Variants in AVL9 observed in about 807,000 individuals in gnomAD.
AVL9 encodes AVL9 cell migration associated.
Under a neutral mutation model 79.2 loss-of-function variants are expected in AVL9, and 49 were observed. The observed-to-expected ratio is 0.62, with a 90% CI of 0.49 to 0.79. AVL9 has a LOEUF of 0.79. AVL9 is among the 30% of genes least tolerant of loss of function. AVL9 has a pLI of 0.00. For synonymous variants in AVL9, 299 were observed against 280.6 expected (o/e 1.07, Z -0.65); for missense variants, 682 against 776.8 (o/e 0.88, Z 1.45).
chr7:32,554,725 T>C (rs534523475), intron 8 of AVL9, 129 bp downstream of exon 8: 36 of 530,510 alleles, frequency 6.8e-5, no homozygotes, highest in African/African-American at 6.1e-4. Flanking sequence ...TGTGGTAAGC[T>C]GAAGCACATT....
At chr7:32,562,950 A>G (rs1294944157) in intron 10 of AVL9, among the ~76,000 whole-genome samples, 1 of 152,182 alleles carries the variant, frequency 6.6e-6, no homozygotes, top group Non-Finnish European at 1.5e-5. Flanking sequence ...AAATAAAGTT[A>G]CACTGATGCT....
intron 10 of AVL9, among the ~76,000 whole-genome samples, chr7:32,568,624 AT>A (rs1790690795): frequency 6.6e-6 from 1 of 152,126 alleles, no homozygotes; most frequent in Admixed American, 6.5e-5. Context: ...TATTGCATTT[AT>A]TTTCATAAAT....
intron 1 of AVL9, among the ~76,000 whole-genome samples, chr7:32,508,276 A>C (rs147328331): frequency 6.6e-6 from 1 of 152,266 alleles, no homozygotes; most frequent in East Asian, 1.9e-4. Context: ...CATTTAAGAC[A>C]TTTTTACTAA....
chr7:32,526,544 CACTT>C (rs1009862997), intron 1 of AVL9, among the ~76,000 whole-genome samples: 9 of 152,144 alleles, frequency 5.9e-5, no homozygotes, highest in East Asian at 1.9e-4. Context: ...CTAAAAAAAA[CACTT>C]ACCCTTTTGT....
chr7:32,500,109 C>T lies in AVL9; in HGVS notation c.93+4307C>T, dbSNP rs566233432. ...ATGTATAATCCTTCGGGTATATACC[C>T]AGTAGTGGGGTTGCTGGGTCAAATG... is the stretch of plus-strand genomic sequence containing the variant. On this transcript the variant is annotated intron_variant, in intron 1 of 15. Coordinates refer to ENST00000318709, the MANE Select transcript of AVL9 (RefSeq NM_015060.3). Among the ~76,000 whole-genome samples the T allele has an allele frequency of 3.3e-4, 50 of 152,142 alleles. 1 individual carries two copies. In the South Asian group the frequency reaches 5.6e-3, roughly 17 times the overall value.
intron 10 of AVL9, among the ~76,000 whole-genome samples, chr7:32,568,594 T>C (rs1790689175): frequency 6.6e-6 from 1 of 152,058 alleles, no homozygotes; most frequent in African/African-American, 2.4e-5. Flanking sequence ...TCATGAAGAG[T>C]TTGGATTCGA....
At chr7:32,563,337 C>T (rs540410124) in intron 10 of AVL9, among the ~76,000 whole-genome samples, 12 of 152,014 alleles carry the variant, frequency 7.9e-5, no homozygotes, top group African/African-American at 1.4e-4. Context: ...CAGCCTCTCC[C>T]GTATACTTTA....
chr7:32,579,383 A>ATT (rs1791264922), intron 13 of AVL9, among the ~76,000 whole-genome samples: 1 of 16,236 alleles, frequency 6.2e-5, no homozygotes, highest in Non-Finnish European at 9.5e-5. Flanking sequence ...TATGTTATAT[A>ATT]ACATATTATA....
intron 11 of AVL9, among the ~76,000 whole-genome samples, chr7:32,571,475 C>T (rs1160940682): frequency 2.0e-5 from 3 of 151,744 alleles, no homozygotes; most frequent in African/African-American, 7.3e-5. Context: ...TTGCAGGGAG[C>T]CGAGATCGTG....
Position 32,495,627 on chromosome 7 carries a change from C to T in AVL9, c.-83C>T. The T allele has an allele frequency of 2.1e-6, 2 of 958,340 alleles. No homozygotes were observed. The highest frequency in any genetic ancestry group is 1.4e-6 in the Non-Finnish European group (1 of 723,548). The allele number at this position is 958,340 out of a possible 1,614,324, so 59.4% of individuals were successfully genotyped here. On this transcript the variant is annotated 5_prime_UTR_variant, in exon 1 of 16. Transcript: ENST00000318709. ...GCTGTGCTCGCTGACACCCGAAGTC[C>T]GCGGCTTTCCGCACACGGTGGGGTC... is the stretch of plus-strand genomic sequence containing the variant.
At chr7:32,530,124 G>T (rs1325214378) in intron 1 of AVL9, among the ~76,000 whole-genome samples, 1 of 152,084 alleles carries the variant, frequency 6.6e-6, no homozygotes, top group East Asian at 1.9e-4. Context: ...GTTTATAAAA[G>T]TTGGAATTTT....
chr7:32,522,256 G>GAA (rs1788190754), intron 1 of AVL9, among the ~76,000 whole-genome samples: 1 of 152,174 alleles, frequency 6.6e-6, no homozygotes, highest in South Asian at 2.1e-4. Context: ...CATGTGCCTG[G>GAA]AAAAGCTGCA....
chr7:32,497,692 C>G (rs1473637748), intron 1 of AVL9, among the ~76,000 whole-genome samples: 2 of 147,786 alleles, frequency 1.4e-5, no homozygotes, highest in Admixed American at 6.8e-5. Flanking sequence ...ATCTCACTCT[C>G]TCACCCAGGC....
chr7:32,523,206 A>T (rs971075439), intron 1 of AVL9, among the ~76,000 whole-genome samples: 8 of 151,076 alleles, frequency 5.3e-5, no homozygotes, highest in Non-Finnish European at 1.0e-4. Flanking sequence ...GACTAGCCCC[A>T]GAAGGATGAT....
intron 1 of AVL9, among the ~76,000 whole-genome samples, chr7:32,516,873 G>A (rs985272190): frequency 6.6e-6 from 1 of 151,864 alleles, no homozygotes; most frequent in Non-Finnish European, 1.5e-5. Context: ...GCTTGCAAGT[G>A]TTTGTGTAAA....
chr7:32,513,221 G>T (rs1787756196), intron 1 of AVL9, among the ~76,000 whole-genome samples: 1 of 152,048 alleles, frequency 6.6e-6, no homozygotes, highest in Admixed American at 6.6e-5. Flanking sequence ...AAATTCAAAG[G>T]CACCCCTGCA....
Position 32,576,024 on chromosome 7 carries a change from G to A in AVL9, c.1640G>A (p.Arg547Lys), listed in dbSNP as rs757968357. The change falls in exon 13 of 16, where the codon AGG (arginine) becomes AAG (lysine). Residue 547 changes from arginine (R) to lysine (K), a missense_variant. Arg to Lys is a conservative substitution (Grantham distance 26, BLOSUM62 2). Coordinates refer to ENST00000318709, the MANE Select transcript of AVL9 (RefSeq NM_015060.3). ...GCATGGAAGAATACTCACAACTACA[G>A]GGTGTGGAACAGCAACAAGCATCCA... ...VTAWKNTHNY[R>K]VWNSNKHPAL... 1 of 1,614,066 alleles carries A rather than the reference G, an allele frequency of 6.2e-7. No individual in the cohort carries two copies. The highest frequency in any genetic ancestry group is 1.1e-5 in the South Asian group (1 of 91,078).
chr7:32,541,428 A>G (rs1789202479), intron 1 of AVL9, among the ~76,000 whole-genome samples: 1 of 152,086 alleles, frequency 6.6e-6, no homozygotes, highest in Non-Finnish European at 1.5e-5. Flanking sequence ...AATACTATAT[A>G]TGGGACTTTG....
intron 13 of AVL9, among the ~76,000 whole-genome samples, chr7:32,579,383 AAC>A (rs1791265227): frequency 6.2e-5 from 1 of 16,236 alleles, no homozygotes; most frequent in African/African-American, 3.3e-4. Context: ...TATGTTATAT[AAC>A]ATATTATATG....
Sources: allele counts gnomAD v4.1 joint callset (sites outside exome capture counted in the v4.1 genomes callset), GRCh38; gene constraint gnomAD v4.1.1; transcripts MANE v1.5; gene names NCBI Gene and HGNC (gene_info 2026-07-23, HGNC 2026-07-21).